Variants in CASZ1 observed in about 807,000 individuals in gnomAD.
CASZ1 encodes castor zinc finger 1.
Under a neutral mutation model 135.2 loss-of-function variants are expected in CASZ1, and 28 were observed. The observed-to-expected ratio is 0.21, with a 90% CI of 0.15 to 0.28. CASZ1 has a LOEUF of 0.28. CASZ1 is among the 10% of genes least tolerant of loss of function. CASZ1 has a pLI of 1.00. For synonymous variants in CASZ1, 1,068 were observed against 1,073.4 expected (o/e 0.99, Z 0.10); for missense variants, 2,161 against 2,453.3 (o/e 0.88, Z 2.52).
rs542500355 is a variant in CASZ1 at position 10,796,605 on chromosome 1, G to C, written c.-275C>G. On this transcript the variant is annotated 5_prime_UTR_variant, in exon 1 of 21. Coordinates refer to ENST00000377022, the MANE Select transcript of CASZ1 (RefSeq NM_001079843.3). ...TTTGGGTGACTTTCCAAGTCCGGGG[G>C]AAAAATGTGTGTGTGTTTGGGATGG... 6.6e-5 allele frequency: 10 copies of C among 152,412 alleles called. No individual in the cohort carries two copies. Among genetic ancestry groups the C allele is most frequent in the African/African-American group, 2.4e-4 (10 of 41,594 alleles). 9.4% of individuals were successfully genotyped at this position (152,412 alleles called of 1,614,324 possible). A position where few individuals can be genotyped will look rare whatever the true frequency, so the allele number is the denominator to read the frequency against.
intron 1 of CASZ1, among the ~76,000 whole-genome samples, chr1:10,787,678 C>T (rs1232410064): frequency 2.0e-5 from 3 of 152,150 alleles, no homozygotes; most frequent in Non-Finnish European, 4.4e-5. Flanking sequence ...CATACACACA[C>T]GCTCACCCAC....
chr1:10,696,366 CT>C, intron 3 of CASZ1, among the ~76,000 whole-genome samples: 1 of 152,232 alleles, frequency 6.6e-6, no homozygotes, highest in East Asian at 1.9e-4. Context: ...TGAGCTGCCC[CT>C]GGCCCCAAAA....
intron 4 of CASZ1, among the ~76,000 whole-genome samples, chr1:10,692,507 G>C (rs1489477553): frequency 6.6e-6 from 1 of 152,194 alleles, no homozygotes; most frequent in African/African-American, 2.4e-5. Flanking sequence ...GGCAGGGAGG[G>C]GCAGGGTGGC....
At chr1:10,683,933 C>A (rs1202947744) in intron 4 of CASZ1, among the ~76,000 whole-genome samples, 1 of 152,204 alleles carries the variant, frequency 6.6e-6, no homozygotes, top group Non-Finnish European at 1.5e-5. Context: ...ACGGTAGATA[C>A]CTAGGGCTGG....
chr1:10,653,238 C>T, intron 11 of CASZ1, 139 bp downstream of exon 11: 1 of 933,164 alleles, frequency 1.1e-6, no homozygotes, highest in Non-Finnish European at 1.7e-6. Context: ...GAAGATCAGG[C>T]AAAGAGGGGG....
intron 2 of CASZ1, among the ~76,000 whole-genome samples, chr1:10,736,440 C>T (rs1639799803): frequency 1.3e-5 from 2 of 152,186 alleles, no homozygotes; most frequent in Admixed American, 6.5e-5. Flanking sequence ...ATGTTCTGAT[C>T]CCGTGAGTCT....
chr1:10,740,969 A>AAAAAAAAG (rs1553138432), intron 2 of CASZ1, among the ~76,000 whole-genome samples: 41 of 132,258 alleles, frequency 3.1e-4, no homozygotes, highest in Non-Finnish European at 5.9e-4. Flanking sequence ...ACAAAAAAAA[A>AAAAAAAAG]AAAAAAAAGA....
rs1486260701 is a variant in CASZ1 at position 10,666,749 on chromosome 1, C to T, written c.17-1178G>A. 2.0e-5 allele frequency among the ~76,000 whole-genome samples: 3 copies of T among 152,226 alleles called. No individual in the cohort carries two copies. The highest frequency in any genetic ancestry group is 2.9e-5 in the Non-Finnish European group (2 of 68,036). ...GCATACGGCAAGCCCACCCACCACA[C>T]AGCCTGGGACCTGCCACAAAGGCTG... On this transcript the variant is annotated intron_variant, in intron 4 of 20. Coordinates refer to ENST00000377022, the MANE Select transcript of CASZ1 (RefSeq NM_001079843.3). This position sits in a 1 kb window ranked among gnomAD's most constrained non-coding sequence, Gnocchi z 5.2.
At chr1:10,691,090 TCC>T (rs1638752172) in intron 4 of CASZ1, among the ~76,000 whole-genome samples, 4 of 102,004 alleles carry the variant, frequency 3.9e-5, no homozygotes, top group East Asian at 7.3e-4. Context: ...CCTCCCTCCC[TCC>T]CTCCCTCTCT....
At chr1:10,648,825 G>A in intron 15 of CASZ1, 2 of 532,780 alleles carry the variant, frequency 3.8e-6, no homozygotes, top group Non-Finnish European at 6.7e-6. Context: ...GGGGACGTGG[G>A]TGCAGCAGCA....
intron 1 of CASZ1, among the ~76,000 whole-genome samples, chr1:10,771,657 T>TTCCTCCTCCTCC (rs34581008): frequency 2.7e-5 from 4 of 150,676 alleles, no homozygotes; most frequent in African/African-American, 9.8e-5. Flanking sequence ...TTTCACCTCT[T>TTCCTCCTCCTCC]TCCTCCTCCT....
chr1:10,773,546 C>T (rs1290021268), intron 1 of CASZ1, among the ~76,000 whole-genome samples: 1 of 152,024 alleles, frequency 6.6e-6, no homozygotes, highest in Non-Finnish European at 1.5e-5. Context: ...AGGGGTCTCA[C>T]GCACCCCGGG....
At chr1:10,659,059 C>T (rs1015178522) in intron 6 of CASZ1, among the ~76,000 whole-genome samples, 31 of 152,160 alleles carry the variant, frequency 2.0e-4, no homozygotes, top group Admixed American at 1.8e-3. Context: ...GGAAGGGTCT[C>T]GCTCAGCCCC....
Position 10,693,701 on chromosome 1 carries a change from C to T in CASZ1, c.16+173G>A, listed in dbSNP as rs1638837833. Among the ~76,000 whole-genome samples, 3 of 152,274 alleles carry T rather than the reference C, an allele frequency of 2.0e-5. No homozygotes were observed. The East Asian group carries it at 5.8e-4, about 29-fold the overall frequency. ...CTAAGCAAGTGGCAAATAACAACAA[C>T]AACAGCCTCAGAAGTCGCCGATCCC... On this transcript the variant is annotated intron_variant, in intron 4 of 20. Coordinates refer to ENST00000377022, the MANE Select transcript of CASZ1 (RefSeq NM_001079843.3).
rs186061591 is a variant in CASZ1 at position 10,787,955 on chromosome 1, T to A, written c.-234+8609A>T. Among the ~76,000 whole-genome samples, 554 of 152,228 alleles carry A rather than the reference T, an allele frequency of 3.6e-3. 5 individuals are homozygous for A. Among genetic ancestry groups the A allele is most frequent in the African/African-American group, 0.012 (513 of 41,514 alleles). On this transcript the variant is annotated intron_variant, in intron 1 of 20. Coordinates refer to ENST00000377022, the MANE Select transcript of CASZ1 (RefSeq NM_001079843.3). ...CAGAGTTTGAAAAAATGTTTTTTTT[T>A]AAAACTATGATAAGTCCAACCTGAA...
At chr1:10,675,528 G>A (rs574784708) in intron 4 of CASZ1, among the ~76,000 whole-genome samples, 76 of 152,206 alleles carry the variant, frequency 5.0e-4, no homozygotes, top group African/African-American at 1.8e-3. Context: ...AGGCACTTCC[G>A]GGAGCCCAGT....
Position 10,653,429 on chromosome 1 carries a change from C to T in CASZ1, c.2628G>A (p.Met876Ile). 1.9e-6 allele frequency: 3 copies of T among 1,613,378 alleles called. No individual in the cohort carries two copies. Among genetic ancestry groups the T allele is most frequent in the South Asian group, 1.1e-5 (1 of 91,090 alleles). ...GGGCAGCTGCAGCCAGCCTGGCCAT[C>T]ATGGGCGAGATGAGGCCCTTGCTTG... is the stretch of plus-strand genomic sequence containing the variant. ...ISASKGLISP[M>I]MARLAAAALK... The change falls in exon 11 of 21, where the codon ATG becomes ATA. Residue 876 changes from methionine to isoleucine, a missense_variant. Around this residue, in one of 7 missense-constraint regions of CASZ1, gnomAD observed 406 missense variants for 387.6 expected, o/e 1.05. Transcript: ENST00000377022.
rs115439463 is a variant in CASZ1 at position 10,671,310 on chromosome 1, G to A, written c.17-5739C>T. 4.6e-3 allele frequency among the ~76,000 whole-genome samples: 706 copies of A among 152,320 alleles called. 5 individuals are homozygous for A. Among genetic ancestry groups the A allele is most frequent in the African/African-American group, 0.017 (692 of 41,568 alleles). The stretch of plus-strand genomic sequence containing the variant: ...CACACTGAGCAAACGCGCACAGACC[G>A]CGTGCATGCCTGTGCGCGCGCACAC... On this transcript the variant is annotated intron_variant, in intron 4 of 20. Coordinates refer to ENST00000377022, the MANE Select transcript of CASZ1 (RefSeq NM_001079843.3).
At chr1:10,763,137 G>A (rs1640410134) in intron 1 of CASZ1, among the ~76,000 whole-genome samples, 1 of 152,228 alleles carries the variant, frequency 6.6e-6, no homozygotes, top group African/African-American at 2.4e-5. Flanking sequence ...GGCACAGGCC[G>A]CGGGGCCTTC....
Sources: gnomAD v4.1 joint callset for allele counts (sites outside exome capture counted in the v4.1 genomes callset) on GRCh38, gnomAD v4.1.1 for gene constraint, gnomAD v4.1.1 regional missense constraint, Gnocchi (gnomAD v3.1) non-coding constraint, MANE v1.5 for transcripts, NCBI Gene and HGNC (gene_info 2026-07-23, HGNC 2026-07-21) for gene names.